SLIT1: variants seen among roughly 807,000 people sequenced by gnomAD.
SLIT1 encodes the protein slit homolog 1 protein.
SLIT1 carries 66 observed loss-of-function variants against 186.1 expected under a neutral mutation model. The observed-to-expected ratio is 0.35, with a 90% CI of 0.29 to 0.44. SLIT1 has a LOEUF of 0.44. SLIT1 is among the 20% of genes least tolerant of loss of function. The pLI is 1.00. For synonymous variants in SLIT1, 761 were observed against 833.8 expected (o/e 0.91, Z 1.50); for missense variants, 1,638 against 2,037.4 (o/e 0.80, Z 3.77).
In SLIT1 at chr10:97,047,962, C is replaced by T. The variant is rs751115270; in HGVS notation, c.1489+11G>A. 10 of 1,614,036 alleles carry T rather than the reference C, an allele frequency of 6.2e-6. No homozygotes were observed. The highest frequency in any genetic ancestry group is 2.2e-5 in the South Asian group (2 of 91,084). Reference sequence around the variant, plus strand: ...CCGCCAGGCTGGCCTTGGATCCCCCCACTCTCCTACCTGGAATGAAGTACT... The same window carrying T: ...CCGCCAGGCTGGCCTTGGATCCCCCTACTCTCCTACCTGGAATGAAGTACT... On this transcript the variant is annotated intron_variant, in intron 15 of 36. Coordinates refer to ENST00000266058, the MANE Select transcript of SLIT1 (RefSeq NM_003061.3).
At chr10:97,082,811 T>C (rs991003467) in intron 4 of SLIT1, among the ~76,000 whole-genome samples, 3 of 152,176 alleles carry the variant, frequency 2.0e-5, no homozygotes, top group Non-Finnish European at 4.4e-5. Context: ...TCAGAGAGAA[T>C]GTGTGTGGGA....
At chr10:97,092,883 C>T (rs889611987) in intron 4 of SLIT1, among the ~76,000 whole-genome samples, 3 of 152,196 alleles carry the variant, frequency 2.0e-5, no homozygotes, top group Non-Finnish European at 2.9e-5. Flanking sequence ...GCATGCCTCC[C>T]CTATTTATTC....
At chr10:97,104,012 G>A (rs983301659) in intron 4 of SLIT1, among the ~76,000 whole-genome samples, 1 of 152,168 alleles carries the variant, frequency 6.6e-6, no homozygotes, top group Non-Finnish European at 1.5e-5. Flanking sequence ...CTGCGGCGGG[G>A]ATACAGCAAG....
At chr10:97,059,701 T>G (rs947457286) in intron 10 of SLIT1, 170 bp from the exon 11 acceptor site, 1 of 656,554 alleles carries the variant, frequency 1.5e-6, no homozygotes, top group African/African-American at 1.8e-5. Context: ...GGCCGCTATT[T>G]CCCTGTGCAG....
intron 6 of SLIT1, 110 bp from the exon 7 acceptor site, chr10:97,064,349 C>T (rs142876002): frequency 3.6e-5 from 31 of 851,430 alleles, no homozygotes; most frequent in Non-Finnish European, 4.7e-5. Flanking sequence ...GTGACCAGCA[C>T]GGGGCTGGAC....
At chr10:97,151,235 G>C (rs1849875046) in intron 4 of SLIT1, among the ~76,000 whole-genome samples, 1 of 152,178 alleles carries the variant, frequency 6.6e-6, no homozygotes, top group Non-Finnish European at 1.5e-5. Context: ...TGGATCAGTG[G>C]GTGGGTGAGT....
At chr10:97,083,126 G>T (rs1849122342) in intron 4 of SLIT1, among the ~76,000 whole-genome samples, 1 of 151,828 alleles carries the variant, frequency 6.6e-6, no homozygotes, top group Non-Finnish European at 1.5e-5. Context: ...GTAGCAAAGG[G>T]GTCTCACTAT....
intron 7 of SLIT1, 49 bp downstream of exon 7, chr10:97,064,119 C>T (rs200081579): frequency 1.7e-4 from 250 of 1,468,036 alleles, no homozygotes; most frequent in Non-Finnish European, 2.1e-4. Flanking sequence ...CACCCCCTGG[C>T]ATCAACCGGG....
Position 97,043,994 on chromosome 10 carries a change from C to A in SLIT1, c.1854-481G>T, listed in dbSNP as rs2134622963. 6.6e-6 allele frequency among the ~76,000 whole-genome samples: 1 copy of A among 152,336 alleles called. No individual in the cohort carries two copies. The highest frequency in any genetic ancestry group is 6.5e-5 in the Admixed American group (1 of 15,304). ...GACCCGGACCATCTCAGCCCTGGCA[C>A]CTGCCTGCCTCCCTAGAGATGGACC... On this transcript the variant is annotated intron_variant, in intron 18 of 36. Coordinates refer to ENST00000266058, the MANE Select transcript of SLIT1 (RefSeq NM_003061.3). The surrounding 1 kb of genome is among the most constrained non-coding windows in gnomAD (Gnocchi z 7.0).
At chr10:97,081,944 T>G (rs1320496235) in intron 4 of SLIT1, among the ~76,000 whole-genome samples, 2 of 152,220 alleles carry the variant, frequency 1.3e-5, no homozygotes, top group Non-Finnish European at 2.9e-5. Context: ...CCTTGTCTAC[T>G]CAGCTCTTCT....
Position 97,059,543 on chromosome 10 carries a change from G to A in SLIT1, c.1014-12C>T. 1 of 1,612,484 alleles carries A rather than the reference G, an allele frequency of 6.2e-7. No individual in the cohort carries two copies. Among genetic ancestry groups the A allele is most frequent in the South Asian group, 1.1e-5 (1 of 91,050 alleles). On this transcript the variant is annotated splice_polypyrimidine_tract_variant and intron_variant, in intron 10 of 36. Transcript: ENST00000266058. ...TGTTGCTCAGGTCTCTGCAAGGTGA[G>A]CAGAAGGAGAGGGGGCATCTGAATC...
intron 8 of SLIT1, among the ~76,000 whole-genome samples, chr10:97,062,288 G>T (rs1039112974): frequency 1.3e-5 from 2 of 152,132 alleles, no homozygotes; most frequent in Admixed American, 1.3e-4. Flanking sequence ...ATTGCACTGG[G>T]TGTCTGCCAG....
chr10:97,130,265 A>G (rs758478912), intron 4 of SLIT1, among the ~76,000 whole-genome samples: 13 of 152,372 alleles, frequency 8.5e-5, no homozygotes, highest in South Asian at 4.1e-4. Context: ...TTCTGGGTAC[A>G]TACCGAAGAG....
intron 13 of SLIT1, among the ~76,000 whole-genome samples, chr10:97,049,333 G>T (rs534928775): frequency 5.9e-5 from 9 of 152,276 alleles, no homozygotes; most frequent in African/African-American, 2.2e-4. Context: ...CAGGTGAAGG[G>T]TCTCTGCCAC....
At chr10:97,183,712 T>G (rs1271718974) in intron 1 of SLIT1, among the ~76,000 whole-genome samples, 1 of 152,094 alleles carries the variant, frequency 6.6e-6, no homozygotes, top group Non-Finnish European at 1.5e-5. Context: ...GGAGATGACT[T>G]TAAGACTCAA....
chr10:97,089,697 G>T (rs1301488516), intron 4 of SLIT1, among the ~76,000 whole-genome samples: 1 of 152,158 alleles, frequency 6.6e-6, no homozygotes, highest in Non-Finnish European at 1.5e-5. Flanking sequence ...TCAGCTGGGG[G>T]AGTAGGCTGA....
chr10:97,050,162 A>C (rs867346781), intron 13 of SLIT1, among the ~76,000 whole-genome samples: 26 of 152,340 alleles, frequency 1.7e-4, no homozygotes, highest in African/African-American at 6.3e-4. Flanking sequence ...AAGGAAAAAA[A>C]AAGAAGTACG....
intron 4 of SLIT1, among the ~76,000 whole-genome samples, chr10:97,136,915 C>G (rs536070233): frequency 1.3e-5 from 2 of 152,286 alleles, no homozygotes; most frequent in South Asian, 4.2e-4. Flanking sequence ...AGGGACAAGT[C>G]CTCCCTGTTA....
At position 96,999,196 on chromosome 10, in the gene SLIT1, G is replaced by A. The variant is rs11819015; in HGVS notation, c.*1916C>T. The A allele has an allele frequency of 0.068, 10,410 of 152,294 alleles. 393 individuals are homozygous for A. The highest frequency in any genetic ancestry group is 0.18 in the East Asian group (936 of 5,148). The allele number at this position is 152,294 out of a possible 1,614,324, so 9.4% of individuals were successfully genotyped here. A position where few individuals can be genotyped will look rare whatever the true frequency, so the allele number is the denominator to read the frequency against. Reference sequence around the variant, plus strand: ...GGCTGCAGTCTACTTGGGGGTGGGGGCGGGCATTGTGGCCTTGCTCAGAGC... The same window carrying A: ...GGCTGCAGTCTACTTGGGGGTGGGGACGGGCATTGTGGCCTTGCTCAGAGC... On this transcript the variant is annotated 3_prime_UTR_variant, in exon 37 of 37. Coordinates refer to ENST00000266058, the MANE Select transcript of SLIT1 (RefSeq NM_003061.3).
Sources: gnomAD v4.1 joint callset for allele counts (sites outside exome capture counted in the v4.1 genomes callset) on GRCh38, gnomAD v4.1.1 for gene constraint, Gnocchi (gnomAD v3.1) non-coding constraint, MANE v1.5 for transcripts, NCBI Gene and HGNC (gene_info 2026-07-23, HGNC 2026-07-21) for gene names.